Variants in SLC7A2 observed in about 807,000 individuals in gnomAD.
The protein encoded by SLC7A2 is cationic amino acid transporter 2.
SLC7A2 carries 48 observed loss-of-function variants against 58.9 expected under a neutral mutation model. The ratio of observed to expected loss-of-function variants is 0.82; its 90% confidence interval spans 0.65 to 1.04. The LOEUF (loss-of-function observed/expected upper bound fraction) is 1.04. Ranked by LOEUF, SLC7A2 falls within the 50% of genes least tolerant of loss-of-function variation. The probability of loss-of-function intolerance (pLI) is 0.00; values close to 1 mark genes in which losing one functional copy is unlikely to be tolerated. For synonymous variants in SLC7A2, 363 were observed against 314.5 expected (o/e 1.15, Z -1.63); for missense variants, 1,029 against 818.8 (o/e 1.26, Z -3.13).
chr8:17,549,801 A>G (rs1328662917), intron 5 of SLC7A2, among the ~76,000 whole-genome samples: 2 of 152,384 alleles, frequency 1.3e-5, no homozygotes, highest in East Asian at 1.9e-4. Flanking sequence ...TTTTTAACAT[A>G]TAATAAAATA....
chr8:17,551,404 G>C (rs907188317), intron 6 of SLC7A2, among the ~76,000 whole-genome samples: 2 of 152,148 alleles, frequency 1.3e-5, no homozygotes, highest in South Asian at 4.1e-4. Flanking sequence ...TTAGAGACTA[G>C]ACTGGCCAAC....
Position 17,519,340 on chromosome 8 carries a change from T to A in SLC7A2, c.-23+17038T>A, listed in dbSNP as rs528176682. ...CTCAGTAGTAGCAGCAGAAGTAAGT[T>A]ATAGTGATGGTAGTATATTTTAGGA... On this transcript the variant is annotated intron_variant, in intron 2 of 12. Coordinates refer to ENST00000494857, the MANE Select transcript of SLC7A2 (RefSeq NM_001370338.1). Among the ~76,000 whole-genome samples, 12 of 152,312 alleles carry A rather than the reference T, an allele frequency of 7.9e-5. No individual in the cohort carries two copies. In the East Asian group the frequency reaches 2.3e-3, roughly 29 times the overall value.
At chr8:17,546,217 A>G (rs1802166308) in intron 4 of SLC7A2, among the ~76,000 whole-genome samples, 1 of 152,234 alleles carries the variant, frequency 6.6e-6, no homozygotes, top group African/African-American at 2.4e-5. Flanking sequence ...AATGACGAAG[A>G]GCATGTAGCT....
At chr8:17,516,427 T>G (rs182555301) in intron 2 of SLC7A2, among the ~76,000 whole-genome samples, 5 of 152,298 alleles carry the variant, frequency 3.3e-5, no homozygotes, top group Admixed American at 1.3e-4. Flanking sequence ...TTTTGCCATG[T>G]TGGCCAGGCT....
chr8:17,551,125 T>G (rs986901337), intron 6 of SLC7A2, among the ~76,000 whole-genome samples: 1 of 152,216 alleles, frequency 6.6e-6, no homozygotes, highest in African/African-American at 2.4e-5. Context: ...GGATTAAGAC[T>G]GCTATTCTAT....
chr8:17,520,269 G>A (rs1800961433), intron 2 of SLC7A2, among the ~76,000 whole-genome samples: 1 of 152,004 alleles, frequency 6.6e-6, no homozygotes, highest in Non-Finnish European at 1.5e-5. Flanking sequence ...TGAAGCATAG[G>A]GGTTCATGAG....
At chr8:17,554,902 C>T (rs775437187) in intron 8 of SLC7A2, 2 of 1,607,676 alleles carry the variant, frequency 1.2e-6, no homozygotes, top group Non-Finnish European at 1.7e-6. Context: ...CTAGAATAAT[C>T]CTTAAAATAA....
Position 17,550,886 on chromosome 8 carries a change from G to A in SLC7A2, c.832+452G>A, listed in dbSNP as rs191527659. Among the ~76,000 whole-genome samples the A allele has an allele frequency of 2.2e-4, 34 of 152,180 alleles. 2 individuals are homozygous for A. Among genetic ancestry groups the A allele is most frequent in the Middle Eastern group, 3.4e-3 (1 of 294 alleles). ...TCTTATACAACATCATAATCATGCC[G>A]GAGTCACTCTCTAAATGCCTCCTCT... On this transcript the variant is annotated intron_variant, in intron 6 of 12. Transcript: ENST00000494857.
At chr8:17,498,760 T>C (rs1390998273) in intron 1 of SLC7A2, 2 of 152,256 alleles carry the variant, frequency 1.3e-5, no homozygotes, top group Non-Finnish European at 2.9e-5. Context: ...GGGGATCAGT[T>C]TGCAGAATCC....
chr8:17,565,071 C>T lies in SLC7A2; in HGVS notation c.1902C>T (p.Ala634=). 2.5e-6 allele frequency: 4 copies of T among 1,613,914 alleles called. No homozygotes were observed. Among genetic ancestry groups the T allele is most frequent in the African/African-American group, 2.7e-5 (2 of 75,018 alleles). Residue 634 remains alanine, a synonymous_variant, in exon 13 of 13, where the codon GCC becomes GCT. Transcript: ENST00000494857. ...ATGCAGCAGCAGAAGAAAAATCTGC[C>T]ATTCAAGCAAATGACCATCACCCAA... The part of the protein sequence containing the change: ...NVHAAAEEKS[A]IQANDHHPRN...
intron 4 of SLC7A2, among the ~76,000 whole-genome samples, chr8:17,545,091 A>G (rs1429214483): frequency 6.6e-6 from 1 of 152,230 alleles, no homozygotes; most frequent in Non-Finnish European, 1.5e-5. Context: ...TGTCGACATT[A>G]TATAGGCAAA....
chr8:17,533,817 TA>T (rs1195278082), intron 2 of SLC7A2, among the ~76,000 whole-genome samples: 3 of 152,158 alleles, frequency 2.0e-5, no homozygotes, highest in African/African-American at 4.8e-5. Flanking sequence ...GTTACATAGG[TA>T]AACTCGTGCC....
At chr8:17,529,472 G>C (rs1730315999) in intron 2 of SLC7A2, among the ~76,000 whole-genome samples, 1 of 151,976 alleles carries the variant, frequency 6.6e-6, no homozygotes, top group African/African-American at 2.4e-5. Flanking sequence ...TCCTACCCAA[G>C]TGCCATGGGG....
At chr8:17,542,454 C>T (rs1332257703) in intron 2 of SLC7A2, among the ~76,000 whole-genome samples, 1 of 152,094 alleles carries the variant, frequency 6.6e-6, no homozygotes, top group Non-Finnish European at 1.5e-5. Context: ...AATTCAAGAC[C>T]AGCATGGGCA....
intron 2 of SLC7A2, 30 bp downstream of exon 2, chr8:17,502,332 C>T (rs1420823484): frequency 5.3e-5 from 8 of 151,378 alleles, no homozygotes; most frequent in Admixed American, 2.6e-4. Flanking sequence ...TTGGCTTGCA[C>T]GTTGGAATGG....
chr8:17,548,491 G>A (rs1458151232), intron 4 of SLC7A2, among the ~76,000 whole-genome samples, 187 bp from the exon 5 acceptor site: 1 of 152,206 alleles, frequency 6.6e-6, no homozygotes, highest in African/African-American at 2.4e-5. Context: ...AATTGAGTTG[G>A]TTGCATTCAG....
At chr8:17,511,291 T>G (rs1048060554) in intron 2 of SLC7A2, 1 of 152,160 alleles carries the variant, frequency 6.6e-6, no homozygotes, top group African/African-American at 2.4e-5. Context: ...AGAAAAAAGT[T>G]AAGCATTTTC....
chr8:17,512,129 C>G (rs1383357201), intron 2 of SLC7A2, among the ~76,000 whole-genome samples: 5 of 152,116 alleles, frequency 3.3e-5, no homozygotes, highest in Admixed American at 2.0e-4. Flanking sequence ...CCTGTGAGCT[C>G]TTAGAACGTA....
At chr8:17,548,081 C>G (rs948250030) in intron 4 of SLC7A2, among the ~76,000 whole-genome samples, 3 of 152,152 alleles carry the variant, frequency 2.0e-5, no homozygotes, top group Non-Finnish European at 4.4e-5. Flanking sequence ...GCTTAAGTGC[C>G]TGTAATTCCA....
Sources: allele counts gnomAD v4.1 joint callset (sites outside exome capture counted in the v4.1 genomes callset), GRCh38; gene constraint gnomAD v4.1.1; transcripts MANE v1.5; gene names NCBI Gene and HGNC (gene_info 2026-07-23, HGNC 2026-07-21).